The following TAFA1 variants were observed in gnomAD, a reference collection of about 807,000 sequenced individuals.
TAFA1 encodes the protein TAFA chemokine like family member 1.
Under a neutral mutation model 18.5 loss-of-function variants are expected in TAFA1, and 4 were observed. That is an observed-to-expected ratio of 0.22 (90% CI 0.11 to 0.49). The LOEUF (loss-of-function observed/expected upper bound fraction) is 0.49, where lower values mean the gene tolerates loss of function less well. Ranked by LOEUF, TAFA1 falls within the 20% of genes least tolerant of loss-of-function variation. The pLI, the probability that TAFA1 is intolerant of heterozygous loss-of-function variation, is 0.98. For missense variants in TAFA1, 147 were observed against 169.0 expected, an observed-to-expected ratio of 0.87 and a Z score of 0.72; for synonymous variants, 56 against 55.2, an observed-to-expected ratio of 1.01 and a Z score of -0.06.
chr3:68,364,777 C>T (rs1407143181), intron 2 of TAFA1, among the ~76,000 whole-genome samples: 2 of 152,158 alleles, frequency 1.3e-5, no homozygotes, highest in East Asian at 1.9e-4. Context: ...TAAGAACTTT[C>T]CATATGTTAA....
upstream of TAFA1, among the ~76,000 whole-genome samples, chr3:67,999,981 G>T (rs1028264055): frequency 1.2e-4 from 19 of 152,080 alleles, no homozygotes; most frequent in Admixed American, 2.6e-4. Flanking sequence ...TAGAGACAGG[G>T]TTTCACCATG....
intron 2 of TAFA1, among the ~76,000 whole-genome samples, chr3:68,037,643 A>G (rs1705080480): frequency 6.6e-6 from 1 of 152,202 alleles, no homozygotes; most frequent in South Asian, 2.1e-4. Context: ...GCCTATAAAT[A>G]TTTTAATCTT....
At chr3:68,137,652 C>G (rs1350014003) in intron 2 of TAFA1, among the ~76,000 whole-genome samples, 1 of 152,168 alleles carries the variant, frequency 6.6e-6, no homozygotes, top group Non-Finnish European at 1.5e-5. Context: ...TCCTATCACA[C>G]AAGTCATTGC....
chr3:68,145,971 T>C (rs2065735444), intron 2 of TAFA1, among the ~76,000 whole-genome samples: 2 of 152,192 alleles, frequency 1.3e-5, no homozygotes, highest in African/African-American at 4.8e-5. Context: ...TCTCTATCAC[T>C]GCCCTCCCTG....
chr3:68,393,278 C>T (rs1302736656), intron 2 of TAFA1, among the ~76,000 whole-genome samples: 1 of 151,778 alleles, frequency 6.6e-6, no homozygotes, highest in African/African-American at 2.4e-5. Context: ...AATTCCTGGA[C>T]ACATACACCC....
At chr3:68,487,137 G>C (rs547866464) in intron 3 of TAFA1, among the ~76,000 whole-genome samples, 1 of 152,198 alleles carries the variant, frequency 6.6e-6, no homozygotes, top group African/African-American at 2.4e-5. Flanking sequence ...TTGCAAATAA[G>C]AGAGAATGTC....
chr3:68,396,628 T>C (rs911334291), intron 2 of TAFA1, among the ~76,000 whole-genome samples: 2 of 152,164 alleles, frequency 1.3e-5, no homozygotes, highest in African/African-American at 4.8e-5. Flanking sequence ...AACATCACAG[T>C]TACTTTCAAT....
chr3:68,108,464 A>G (rs117849017), intron 2 of TAFA1, among the ~76,000 whole-genome samples: 1 of 150,236 alleles, frequency 6.7e-6, no homozygotes, highest in Admixed American at 6.6e-5. Flanking sequence ...GTGTGTGTGC[A>G]TGTGTGTGTG....
intron 2 of TAFA1, among the ~76,000 whole-genome samples, chr3:68,321,556 T>G (rs1203077825): frequency 2.6e-5 from 4 of 152,188 alleles, no homozygotes; most frequent in African/African-American, 9.7e-5. Context: ...TGGCATATAA[T>G]AATAAAACAA....
At chr3:68,478,259 G>T (rs1427101202) in intron 3 of TAFA1, among the ~76,000 whole-genome samples, 1 of 152,208 alleles carries the variant, frequency 6.6e-6, no homozygotes, top group Non-Finnish European at 1.5e-5. Context: ...AATTCTCAGT[G>T]ATGTGCTCAA....
intron 2 of TAFA1, among the ~76,000 whole-genome samples, chr3:68,089,026 T>C (rs538425737): frequency 3.7e-4 from 57 of 152,198 alleles, no homozygotes; most frequent in African/African-American, 1.4e-3. Context: ...ATTCACTGAG[T>C]GGAGTGTCCT....
At chr3:68,524,612 T>C (rs2073077776) in intron 3 of TAFA1, among the ~76,000 whole-genome samples, 1 of 152,166 alleles carries the variant, frequency 6.6e-6, no homozygotes, top group East Asian at 1.9e-4. Flanking sequence ...CCCAGGATCC[T>C]GAGCCCTCAG....
At chr3:68,170,740 A>G (rs2066042134) in intron 2 of TAFA1, among the ~76,000 whole-genome samples, 1 of 151,946 alleles carries the variant, frequency 6.6e-6, no homozygotes, top group African/African-American at 2.4e-5. Context: ...GCCCCTCAAC[A>G]GAGGCTGGAG....
At chr3:68,509,813 G>A (rs1421553415) in intron 3 of TAFA1, among the ~76,000 whole-genome samples, 2 of 152,126 alleles carry the variant, frequency 1.3e-5, no homozygotes, top group African/African-American at 4.8e-5. Flanking sequence ...CCAGGGAGCA[G>A]AGGATGGGAA....
intron 3 of TAFA1, among the ~76,000 whole-genome samples, chr3:68,422,177 T>A (rs1390807002): frequency 1.3e-5 from 2 of 152,208 alleles, no homozygotes; most frequent in Non-Finnish European, 2.9e-5. Flanking sequence ...TCACTTAATA[T>A]ATGATGACCA....
chr3:68,207,901 T>C (rs1219159035), intron 2 of TAFA1, among the ~76,000 whole-genome samples: 1 of 151,948 alleles, frequency 6.6e-6, no homozygotes, highest in Admixed American at 6.6e-5. Flanking sequence ...TAAAGAACGC[T>C]TCCTTTTATT....
intron 2 of TAFA1, among the ~76,000 whole-genome samples, chr3:68,340,153 T>C (rs1328905310): frequency 6.6e-6 from 1 of 152,230 alleles, no homozygotes; most frequent in Non-Finnish European, 1.5e-5. Flanking sequence ...TTGACATACA[T>C]GCAAATTGAG....
At position 68,539,676 on chromosome 3, in the gene TAFA1, TG is replaced by T. The variant is rs1439390324; in HGVS notation, c.384+797del. On this transcript the variant is annotated intron_variant, in intron 4 of 4. Transcript: ENST00000478136. The stretch of plus-strand genomic sequence containing the variant: ...CTCTTTGTCTCTCTCTGTGTGTGTG[TG>T]TGGGGGGGCATGGGGTGGGTGGGTG... 3.1e-3 allele frequency among the ~76,000 whole-genome samples: 11 copies of T among 3,536 alleles called. No individual in the cohort carries two copies. In the East Asian group the frequency reaches 0.05, roughly 16 times the overall value. 2.3% of individuals were successfully genotyped at this position (3,536 alleles called of 152,430 possible).
rs1388799255 is a variant in TAFA1, at chr3:68,141,725, CA to C, written c.118+134982del. The stretch of plus-strand genomic sequence containing the variant: ...AACCTTGCTGACAGTGAAGCCAACA[CA>C]GAAGAAAGCAAGGCCAAACATTGAA... On this transcript the variant is annotated intron_variant, in intron 2 of 4. Transcript: ENST00000478136. Among the ~76,000 whole-genome samples, 3 of 152,230 alleles carry C rather than the reference CA, an allele frequency of 2.0e-5. No individual in the cohort carries two copies. In the East Asian group the frequency reaches 5.8e-4, roughly 29 times the overall value.
Sources: gnomAD v4.1 joint callset for allele counts (sites outside exome capture counted in the v4.1 genomes callset) on GRCh38, gnomAD v4.1.1 for gene constraint, MANE v1.5 for transcripts, NCBI Gene and HGNC (gene_info 2026-07-23, HGNC 2026-07-21) for gene names.